Variants in RGL4 observed in about 807,000 individuals in gnomAD.
The protein encoded by RGL4 is ral-GDS-related protein.
Under a neutral mutation model 49.6 loss-of-function variants are expected in RGL4, and 41 were observed. The observed-to-expected ratio is 0.83, with a 90% CI of 0.64 to 1.07. The LOEUF (loss-of-function observed/expected upper bound fraction) is 1.07, where lower values mean the gene tolerates loss of function less well. Among genes scored for constraint, RGL4 ranks in the 50% least tolerant of loss-of-function variants. The pLI is 0.00. For missense variants in RGL4, 610 were observed against 591.9 expected (o/e 1.03, Z -0.32); for synonymous variants, 255 against 238.0 (o/e 1.07, Z -0.66).
intron 6 of RGL4, chr22:23,695,451 C>T (rs1033532263): frequency 1.7e-6 from 1 of 598,678 alleles, no homozygotes; most frequent in Admixed American, 2.3e-5. Context: ...GCTGCTGCTG[C>T]TGCTGCTGCT....
intron 3 of RGL4, chr22:23,693,263 G>A: frequency 3.6e-6 from 2 of 559,892 alleles, no homozygotes; most frequent in Non-Finnish European, 3.1e-6. Context: ...TCACTGTGGG[G>A]CAGGCAGGGC....
intron 9 of RGL4, 135 bp downstream of exon 9, chr22:23,697,996 G>C (rs1923622224): frequency 7.3e-6 from 9 of 1,230,248 alleles, no homozygotes; most frequent in Non-Finnish European, 2.3e-6. Flanking sequence ...CAGGAGGAGG[G>C]GACCTATCCC....
At chr22:23,695,612 G>A in intron 6 of RGL4, 1 of 350,200 alleles carries the variant, frequency 2.9e-6, no homozygotes, top group Non-Finnish European at 5.7e-6. Context: ...ACTGGGGACA[G>A]ACGTAGCTGT....
rs758589003 is a variant in RGL4 at position 23,692,219 on chromosome 22, G to A, written c.179+10G>A. ...GCACTGATGGCTTACGGTAGGGTGG[G>A]GCTGTCCTCCACACTGGCAGCAACA... is the stretch of plus-strand genomic sequence containing the variant. On this transcript the variant is annotated intron_variant, in intron 1 of 10. Coordinates refer to ENST00000290691, the MANE Select transcript of RGL4 (RefSeq NM_153615.2). The A allele has an allele frequency of 8.7e-6, 14 of 1,611,478 alleles. No individual in the cohort carries two copies. Among genetic ancestry groups the A allele is most frequent in the Non-Finnish European group, 1.2e-5 (14 of 1,177,908 alleles).
At chr22:23,698,095 C>G in intron 9 of RGL4, 117 bp from the exon 10 acceptor site, 11 of 1,381,014 alleles carry the variant, frequency 8.0e-6, no homozygotes, top group Non-Finnish European at 9.9e-6. Flanking sequence ...GCTGGGGGCG[C>G]TGCATGGGAC....
At chr22:23,697,574 C>A (rs957163550) in intron 8 of RGL4, among the ~76,000 whole-genome samples, 2 of 152,162 alleles carry the variant, frequency 1.3e-5, no homozygotes, top group Admixed American at 6.5e-5. Flanking sequence ...CAAGGGCAGG[C>A]AGTTCCAAGG....
Position 23,691,433 on chromosome 22 carries a change from T to C in RGL4, c.-598T>C, listed in dbSNP as rs1923132194. 1 of 152,366 alleles carries C rather than the reference T, an allele frequency of 6.6e-6. No individual in the cohort carries two copies. The highest frequency in any genetic ancestry group is 2.4e-5 in the African/African-American group (1 of 41,438). The allele number at this position is 152,366 out of a possible 1,614,324, so 9.4% of individuals were successfully genotyped here. A position where few individuals can be genotyped will look rare whatever the true frequency, so the allele number is the denominator to read the frequency against. On this transcript the variant is annotated 5_prime_UTR_variant, in exon 1 of 11. Transcript: ENST00000290691. ...GGGTTCTCCAAAGGTTGGGGTTCAC[T>C]CATTCAACACATACATTCAAAACAC... is the stretch of plus-strand genomic sequence containing the variant.
Position 23,697,338 on chromosome 22 carries a change from G to A in RGL4, c.1236+93G>A. On this transcript the variant is annotated intron_variant, in intron 8 of 10. Coordinates refer to ENST00000290691, the MANE Select transcript of RGL4 (RefSeq NM_153615.2). ...CCGAGCCTTTAGATCTCAGCCCTTG[G>A]CAAACCTCCTCTCCTAAGAGCCTCA... 4.1e-6 allele frequency: 4 copies of A among 978,146 alleles called. No homozygotes were observed. The Admixed American group carries it at 6.2e-5, about 15-fold the overall frequency. The allele number at this position is 978,146 out of a possible 1,614,324, so 60.6% of individuals were successfully genotyped here. A position where few individuals can be genotyped will look rare whatever the true frequency, so the allele number is the denominator to read the frequency against.
intron 7 of RGL4, among the ~76,000 whole-genome samples, 178 bp downstream of exon 7, chr22:23,696,866 C>A (rs1400335770): frequency 6.6e-6 from 1 of 152,208 alleles, no homozygotes; most frequent in African/African-American, 2.4e-5. Context: ...TCTGGGAAAG[C>A]TGGACTCAGA....
chr22:23,694,038 T>A, intron 4 of RGL4, 64 bp downstream of exon 4: 1 of 1,444,396 alleles, frequency 6.9e-7, no homozygotes, highest in Non-Finnish European at 9.7e-7. Context: ...TTCTCCTCCA[T>A]CGGCTTTCAG....
At chr22:23,695,921 C>G (rs1036821437) in intron 6 of RGL4, among the ~76,000 whole-genome samples, 1 of 152,146 alleles carries the variant, frequency 6.6e-6, no homozygotes, top group Non-Finnish European at 1.5e-5. Context: ...GGATCATTGG[C>G]GAGGCGAAGC....
At position 23,697,875 on chromosome 22, in the gene RGL4, G is replaced by A. The variant is rs773819888; in HGVS notation, c.1260+14G>A. ...AAGAGGAGCAAGGTGAGCAGCTGGG[G>A]CACTCACGTTGGATGAGGGTGGGGA... On this transcript the variant is annotated intron_variant, in intron 9 of 10. Coordinates refer to ENST00000290691, the MANE Select transcript of RGL4 (RefSeq NM_153615.2). 3 of 1,604,290 alleles carry A rather than the reference G, an allele frequency of 1.9e-6. No homozygotes were observed. The highest frequency in any genetic ancestry group is 1.1e-5 in the South Asian group (1 of 88,676).
At chr22:23,696,798 C>T in intron 7 of RGL4, 110 bp downstream of exon 7, 1 of 928,360 alleles carries the variant, frequency 1.1e-6, no homozygotes, top group Non-Finnish European at 1.6e-6. Context: ...CTCCCCAGCC[C>T]TGTCCTCCTG....
Position 23,696,569 on chromosome 22 carries a change from G to A in RGL4, c.1087-45G>A, listed in dbSNP as rs775484310. Reference sequence around the variant, plus strand: ...GCGGGGTGGCTGGGGTGTAACTGGGGGAGAGGAGGAGAGCCTCACTGTCCC... The same window carrying A: ...GCGGGGTGGCTGGGGTGTAACTGGGAGAGAGGAGGAGAGCCTCACTGTCCC... On this transcript the variant is annotated intron_variant, in intron 6 of 10. Transcript: ENST00000290691. 3 of 1,612,682 alleles carry A rather than the reference G, an allele frequency of 1.9e-6. No homozygotes were observed. In the African/African-American group the frequency reaches 4.0e-5, roughly 22 times the overall value.
At chr22:23,694,603 G>A (rs1923363690) in intron 5 of RGL4, 153 bp downstream of exon 5, 2 of 641,858 alleles carry the variant, frequency 3.1e-6, no homozygotes, top group South Asian at 1.8e-5. Context: ...AGCTGCCCTG[G>A]ACTCCTAGGC....
chr22:23,695,702 G>A lies in RGL4; in HGVS notation c.1086+683G>A, dbSNP rs531721008. Among the ~76,000 whole-genome samples, 45 of 152,336 alleles carry A rather than the reference G, an allele frequency of 3.0e-4. 1 individual carries two copies. The highest frequency in any genetic ancestry group is 1.0e-3 in the African/African-American group (43 of 41,568). On this transcript the variant is annotated intron_variant, in intron 6 of 10. Transcript: ENST00000290691. ...AGGATTCTCACCGGTTAGCAGCGAC[G>A]CATGCTCATGACAAGTATCTGGGGG...
At chr22:23,693,378 GT>G (rs1180438347) in intron 3 of RGL4, among the ~76,000 whole-genome samples, 9 of 152,234 alleles carry the variant, frequency 5.9e-5, no homozygotes, top group African/African-American at 2.2e-4. Context: ...AGAGCCCATA[GT>G]TGCAGCTGCC....
chr22:23,697,028 C>T, intron 7 of RGL4, 143 bp from the exon 8 acceptor site: 2 of 697,546 alleles, frequency 2.9e-6, no homozygotes, highest in Non-Finnish European at 5.0e-6. Context: ...GGGTCTTTGG[C>T]TGCTCCAACC....
In RGL4 at chr22:23,692,473, G is replaced by A. The variant is rs766937179; in HGVS notation, c.318G>A (p.Gln106=). The stretch of plus-strand genomic sequence containing the variant: ...CTGGACTGGGCTTGGAGGACCATCA[G>A]GAAATTGTCCTAGGCCAGTTGGTGC... The part of the protein sequence containing the change: ...SWPGLGLEDH[Q]EIVLGQLVLP... The change falls in exon 2 of 11, where the codon CAG becomes CAA. Residue 106 remains glutamine (Q), a synonymous_variant. Coordinates refer to ENST00000290691, the MANE Select transcript of RGL4 (RefSeq NM_153615.2). 1 of 1,614,196 alleles carries A rather than the reference G, an allele frequency of 6.2e-7. No homozygotes were observed. Among genetic ancestry groups the A allele is most frequent in the Admixed American group, 1.7e-5 (1 of 60,032 alleles).
Sources: gnomAD v4.1 joint callset for allele counts (sites outside exome capture counted in the v4.1 genomes callset) on GRCh38, gnomAD v4.1.1 for gene constraint, MANE v1.5 for transcripts, NCBI Gene and HGNC (gene_info 2026-07-23, HGNC 2026-07-21) for gene names.